SYNE2: variants seen among roughly 807,000 people sequenced by gnomAD.
The protein encoded by SYNE2 is nesprin-2.
Under a neutral mutation model 856.3 loss-of-function variants are expected in SYNE2, and 431 were observed. The observed-to-expected ratio is 0.50, with a 90% CI of 0.47 to 0.55. The LOEUF is 0.55. Ranked by LOEUF, SYNE2 falls within the 20% of genes least tolerant of loss-of-function variation. SYNE2 has a pLI of 0.00. For synonymous variants in SYNE2, 2,923 were observed against 2,872.3 expected (o/e 1.02, Z -0.56); for missense variants, 8,129 against 8,023.2 (o/e 1.01, Z -0.50).
chr14:63,867,921 C>T (rs750850012), intron 1 of SYNE2, among the ~76,000 whole-genome samples: 1 of 151,842 alleles, frequency 6.6e-6, no homozygotes, highest in Non-Finnish European at 1.5e-5. Context: ...ATTAGCTAGA[C>T]GTGGTGGCAT....
At chr14:64,176,608 A>G (rs1434221324) in intron 95 of SYNE2, among the ~76,000 whole-genome samples, 3 of 152,132 alleles carry the variant, frequency 2.0e-5, no homozygotes, top group Admixed American at 6.5e-5. Context: ...AAGACAAGGA[A>G]GGTGGCTGAG....
Position 63,817,481 on chromosome 14 carries a change from AAAAC to A in SYNE2, c.-304-35000_-304-34997del, listed in dbSNP as rs568256220. ...GACCCTGTCTCAAAAAACATAAACA[AAAAC>A]AAACAAACAAACAAACAAAAAAAGA... On this transcript the variant is annotated intron_variant, in intron 1 of 23. Coordinates refer to the SYNE2 transcript ENST00000674003. Among the ~76,000 whole-genome samples the A allele has an allele frequency of 3.9e-3, 599 of 152,082 alleles. 1 individual carries two copies. Among genetic ancestry groups the A allele is most frequent in the Non-Finnish European group, 6.5e-3 (444 of 67,994 alleles).
At chr14:63,980,779 G>A (rs2096579702) in intron 15 of SYNE2, 47 bp downstream of exon 15, 1 of 1,334,442 alleles carries the variant, frequency 7.5e-7, no homozygotes, top group Admixed American at 1.7e-5. Context: ...TCACTTAACA[G>A]TGATGTTTTA....
rs1046702631 is a variant in SYNE2 at position 63,997,316 on chromosome 14, A to G, written c.3168A>G (p.Thr1056=). The change falls in exon 25 of 116, where the codon ACA becomes ACG. Residue 1056 remains threonine (T), a synonymous_variant. Coordinates refer to ENST00000555002, the MANE Select transcript of SYNE2 (RefSeq NM_182914.3). ...GTSKNEGTIT[T]SENRGGDPHS... ...TCCTTTCTAGGGGGACCATCACCAC[A>G]TCTGAGAATAGAGGAGGGGATCCCC... 6.2e-7 allele frequency: 1 copy of G among 1,613,518 alleles called. No individual in the cohort carries two copies. Among genetic ancestry groups the G allele is most frequent in the Non-Finnish European group, 8.5e-7 (1 of 1,179,784 alleles).
intron 10 of SYNE2, among the ~76,000 whole-genome samples, chr14:63,966,502 G>A (rs758292589): frequency 3.6e-4 from 54 of 151,726 alleles, no homozygotes; most frequent in Non-Finnish European, 5.2e-4. Context: ...CAGCCTGGGC[G>A]ATAGAGCCAG....
In SYNE2 at chr14:64,142,001, C is replaced by A; in HGVS notation, c.15219C>A (p.Asn5073Lys). Reference protein sequence around the residue: ...KAITEMISWMNNVEHQTSDED... With the variant: ...KAITEMISWMKNVEHQTSDED... ...TCACAGAAATGATTAGCTGGATGAACAATGTGGAGCATCAAACTTCAGATG... is the reference window on the plus strand; with the variant it reads ...TCACAGAAATGATTAGCTGGATGAAAAATGTGGAGCATCAAACTTCAGATG... The change falls in exon 82 of 116, where the codon AAC becomes AAA. Residue 5073 changes from asparagine (N) to lysine (K), a missense_variant. By Grantham distance (94) the Asn-to-Lys change is moderately conservative (BLOSUM62 0). Around this residue, in one of 3 missense-constraint regions of SYNE2, gnomAD observed 5,410 missense variants for 5,284.8 expected, o/e 1.02. Transcript: ENST00000555002. 1 of 1,614,030 alleles carries A rather than the reference C, an allele frequency of 6.2e-7. No homozygotes were observed. The highest frequency in any genetic ancestry group is 8.5e-7 in the Non-Finnish European group (1 of 1,179,986).
At chr14:64,188,974 G>C in intron 98 of SYNE2, 1 of 702,482 alleles carries the variant, frequency 1.4e-6, no homozygotes, top group Non-Finnish European at 2.6e-6. Context: ...CCAGGGAAGG[G>C]GCTTACATAT....
At chr14:63,819,367 G>T (rs1889126517) in intron 1 of SYNE2, among the ~76,000 whole-genome samples, 2 of 151,976 alleles carry the variant, frequency 1.3e-5, no homozygotes, top group African/African-American at 4.8e-5. Context: ...GAGTAACTGG[G>T]ATTACAGGTG....
intron 8 of SYNE2, among the ~76,000 whole-genome samples, chr14:63,956,791 G>A (rs2096246544): frequency 6.6e-6 from 1 of 152,028 alleles, no homozygotes; most frequent in South Asian, 2.1e-4. Flanking sequence ...TATTTACATA[G>A]CATTTACGTT....
chr14:63,956,422 A>G, intron 8 of SYNE2: 1 of 456,580 alleles, frequency 2.2e-6, no homozygotes, highest in East Asian at 6.9e-5. Context: ...TGATTTTTTC[A>G]CAACCAGCTT....
chr14:63,960,094 TATA>T (rs757700131), intron 8 of SYNE2, among the ~76,000 whole-genome samples: 5 of 152,238 alleles, frequency 3.3e-5, no homozygotes, highest in Non-Finnish European at 7.3e-5. Flanking sequence ...TGGCTTCGTA[TATA>T]ATAAGTTTTT....
At chr14:63,768,022 C>T (rs934788462) in intron 1 of SYNE2, among the ~76,000 whole-genome samples, 6 of 151,890 alleles carry the variant, frequency 4.0e-5, no homozygotes, top group Non-Finnish European at 5.9e-5. Flanking sequence ...GGTGAAACCC[C>T]GTCTTAACAA....
intron 1 of SYNE2, among the ~76,000 whole-genome samples, chr14:63,885,960 G>A (rs893607552): frequency 1.3e-5 from 2 of 152,148 alleles, no homozygotes; most frequent in South Asian, 2.1e-4. Context: ...GAGAATATGT[G>A]AGCTAAATAG....
At position 64,113,380 on chromosome 14, in the gene SYNE2, T is replaced by C. The variant is rs756255724; in HGVS notation, c.12649T>C (p.Ser4217Pro). 1 of 1,614,146 alleles carries C rather than the reference T, an allele frequency of 6.2e-7. No individual in the cohort carries two copies. The highest frequency in any genetic ancestry group is 1.1e-5 in the South Asian group (1 of 91,082). Reference sequence around the variant, plus strand: ...TATTGAGGCTGACACTCTGGACTCTTCTGACGCGCAAGGAGGTTTGGAGCC... The same window carrying C: ...TATTGAGGCTGACACTCTGGACTCTCCTGACGCGCAAGGAGGTTTGGAGCC... Reference protein sequence around the residue: ...PPIEADTLDSSDAQGGLEPRV... With the variant: ...PPIEADTLDSPDAQGGLEPRV... The change falls in exon 66 of 116, where the codon TCT (serine) becomes CCT (proline). Residue 4217 changes from serine to proline, a missense_variant. Coordinates refer to ENST00000555002, the MANE Select transcript of SYNE2 (RefSeq NM_182914.3).
At chr14:63,778,312 C>T (rs1230599209) in intron 1 of SYNE2, among the ~76,000 whole-genome samples, 1 of 152,130 alleles carries the variant, frequency 6.6e-6, no homozygotes, top group Non-Finnish European at 1.5e-5. Flanking sequence ...CCCAGCCATG[C>T]AGAACCGTGA....
chr14:64,008,951 C>T (rs1050617445), intron 31 of SYNE2, among the ~76,000 whole-genome samples: 1 of 152,154 alleles, frequency 6.6e-6, no homozygotes, highest in African/African-American at 2.4e-5. Flanking sequence ...CCTGATTCTG[C>T]TCTCAGAATT....
intron 32 of SYNE2, 128 bp downstream of exon 32, chr14:64,010,244 A>G: frequency 9.8e-7 from 1 of 1,021,566 alleles, no homozygotes. Flanking sequence ...ACCCTATTTT[A>G]CCAGGTATCT....
intron 1 of SYNE2, among the ~76,000 whole-genome samples, chr14:63,857,503 T>C (rs1045088326): frequency 5.3e-5 from 8 of 152,194 alleles, no homozygotes; most frequent in Non-Finnish European, 2.9e-5. Flanking sequence ...GTAGAATGAC[T>C]AGATCCTATG....
intron 44 of SYNE2, among the ~76,000 whole-genome samples, chr14:64,030,745 CAT>C (rs1254494578): frequency 2.0e-5 from 3 of 152,144 alleles, no homozygotes; most frequent in African/African-American, 7.2e-5. Context: ...TTGAACAAAA[CAT>C]ATATATTCAA....
Sources: allele counts gnomAD v4.1 joint callset (sites outside exome capture counted in the v4.1 genomes callset), GRCh38; gene constraint gnomAD v4.1.1; regional missense constraint gnomAD v4.1.1; transcripts MANE v1.5; gene names NCBI Gene and HGNC (gene_info 2026-07-23, HGNC 2026-07-21).